Variants in KCNMB4 observed in about 807,000 individuals in gnomAD.
KCNMB4 encodes the protein calcium-activated potassium channel subunit beta-4.
In KCNMB4, 3 loss-of-function variants were observed where a neutral mutation model predicts 20.7. The observed-to-expected ratio is 0.14, with a 90% CI of 0.07 to 0.37. KCNMB4 has a LOEUF of 0.37. KCNMB4 is among the 10% of genes least tolerant of loss of function. The pLI is 1.00. For missense variants in KCNMB4, 168 were observed against 265.9 expected (o/e 0.63, Z 2.56); for synonymous variants, 110 against 113.4 (o/e 0.97, Z 0.19).
chr12:70,415,959 A>G (rs1172075028), intron 2 of KCNMB4, among the ~76,000 whole-genome samples: 1 of 152,218 alleles, frequency 6.6e-6, no homozygotes, highest in Non-Finnish European at 1.5e-5. Flanking sequence ...TTCTGCAAAT[A>G]TCACATGGCT....
chr12:70,370,303 T>C (rs940906968), intron 1 of KCNMB4, among the ~76,000 whole-genome samples: 2 of 92,744 alleles, frequency 2.2e-5, no homozygotes, highest in Admixed American at 2.5e-4. Flanking sequence ...TTTTGTTTTT[T>C]TTTGTTTTTT....
intron 2 of KCNMB4, among the ~76,000 whole-genome samples, chr12:70,405,795 A>G (rs564610317): frequency 2.9e-4 from 44 of 152,258 alleles, no homozygotes; most frequent in Middle Eastern, 3.4e-3. Context: ...GCCAGGCGCA[A>G]TGGTGATACC....
At chr12:70,369,448 C>A (rs781265046) in intron 1 of KCNMB4, among the ~76,000 whole-genome samples, 13 of 152,100 alleles carry the variant, frequency 8.5e-5, no homozygotes, top group Non-Finnish European at 1.5e-4. Flanking sequence ...CTTTTCTTTG[C>A]CTTACTTTAC....
In KCNMB4 at chr12:70,417,479, A is replaced by C. The variant is rs1195739058; in HGVS notation, c.465-13006A>C. Among the ~76,000 whole-genome samples the C allele has an allele frequency of 2.0e-5, 3 of 152,208 alleles. No individual in the cohort carries two copies. In the East Asian group the frequency reaches 5.8e-4, roughly 29 times the overall value. On this transcript the variant is annotated intron_variant, in intron 2 of 2. Transcript: ENST00000258111. ...TGCACACATTGGGGTTGGCTGGGCT[A>C]GATAGAGATCGATTAAAAGATGAAG...
intron 1 of KCNMB4, among the ~76,000 whole-genome samples, chr12:70,385,399 T>C (rs565816467): frequency 9.3e-4 from 141 of 152,348 alleles, no homozygotes; most frequent in Non-Finnish European, 1.4e-3. Context: ...TTATCTCCCA[T>C]GTCCCTGTGA....
intron 1 of KCNMB4, among the ~76,000 whole-genome samples, chr12:70,380,411 T>C (rs1883762257): frequency 6.6e-6 from 1 of 152,124 alleles, no homozygotes; most frequent in South Asian, 2.1e-4. Flanking sequence ...CTGTGAAAAT[T>C]ACCAAAATGT....
intron 2 of KCNMB4, among the ~76,000 whole-genome samples, chr12:70,429,615 C>G (rs946246175): frequency 6.9e-6 from 1 of 145,518 alleles, no homozygotes; most frequent in Non-Finnish European, 1.5e-5. Flanking sequence ...TGCAGTGAGC[C>G]AAGATGGCAC....
chr12:70,428,153 G>A (rs535980425), intron 2 of KCNMB4, among the ~76,000 whole-genome samples: 2 of 152,036 alleles, frequency 1.3e-5, no homozygotes, highest in South Asian at 4.2e-4. Context: ...AAATAACTAG[G>A]TCTACAGGCA....
chr12:70,367,572 T>A (rs1883518018), intron 1 of KCNMB4, among the ~76,000 whole-genome samples: 1 of 152,078 alleles, frequency 6.6e-6, no homozygotes, highest in African/African-American at 2.4e-5. Flanking sequence ...TCGCTCTACA[T>A]AGGCATTTTC....
chr12:70,377,537 T>C (rs1446295555), intron 1 of KCNMB4, among the ~76,000 whole-genome samples: 2 of 152,220 alleles, frequency 1.3e-5, no homozygotes, highest in African/African-American at 4.8e-5. Flanking sequence ...GGTTGCTGAC[T>C]AATCAGGGTG....
intron 1 of KCNMB4, among the ~76,000 whole-genome samples, chr12:70,385,349 A>C (rs1289157116): frequency 1.3e-5 from 2 of 152,228 alleles, no homozygotes; most frequent in Admixed American, 6.5e-5. Context: ...ATTTGAGAGC[A>C]TCTACCTCCT....
chr12:70,421,121 A>C (rs1000443563), intron 2 of KCNMB4, among the ~76,000 whole-genome samples: 1 of 152,026 alleles, frequency 6.6e-6, no homozygotes, highest in African/African-American at 2.4e-5. Flanking sequence ...GGGGTTGTCA[A>C]ATTCATTTCT....
chr12:70,382,056 TG>T (rs1208983583), intron 1 of KCNMB4, among the ~76,000 whole-genome samples: 1 of 152,226 alleles, frequency 6.6e-6, no homozygotes, highest in Non-Finnish European at 1.5e-5. Flanking sequence ...AAAACTTGTT[TG>T]GAAAATACTA....
At chr12:70,377,922 A>G (rs1273947793) in intron 1 of KCNMB4, among the ~76,000 whole-genome samples, 5 of 150,948 alleles carry the variant, frequency 3.3e-5, no homozygotes, top group Non-Finnish European at 1.5e-5. Flanking sequence ...TATACTTCTA[A>G]TTCTAGTAGA....
At chr12:70,376,213 C>T (rs1883684071) in intron 1 of KCNMB4, among the ~76,000 whole-genome samples, 1 of 149,664 alleles carries the variant, frequency 6.7e-6, no homozygotes, top group South Asian at 2.1e-4. Flanking sequence ...AAAAAGGACA[C>T]CTATGAAAAA....
chr12:70,433,155 G>A lies in KCNMB4; in HGVS notation c.*2502G>A, dbSNP rs968440632. On this transcript the variant is annotated 3_prime_UTR_variant, in exon 3 of 3. Transcript: ENST00000258111. The stretch of plus-strand genomic sequence containing the variant: ...TTAAAGGTAAAACCCAAAAGAACAA[G>A]CAGAGGACATTTTAAGGTCATAAAA... The A allele has an allele frequency of 6.6e-6, 1 of 151,982 alleles. No individual in the cohort carries two copies. Among genetic ancestry groups the A allele is most frequent in the African/African-American group, 2.4e-5 (1 of 41,380 alleles). The allele number at this position is 151,982 out of a possible 1,614,324, so 9.4% of individuals were successfully genotyped here. A position where few individuals can be genotyped will look rare whatever the true frequency, so the allele number is the denominator to read the frequency against.
At chr12:70,407,716 C>G (rs373316461) in intron 2 of KCNMB4, among the ~76,000 whole-genome samples, 1 of 151,846 alleles carries the variant, frequency 6.6e-6, no homozygotes, top group South Asian at 2.1e-4. Context: ...ATCCGCCCGC[C>G]TCAGCCTCCC....
chr12:70,395,609 T>C (rs1212737025), intron 1 of KCNMB4, among the ~76,000 whole-genome samples: 1 of 152,220 alleles, frequency 6.6e-6, no homozygotes, highest in Non-Finnish European at 1.5e-5. Context: ...GCATTCCATG[T>C]TGTGTGATGA....
At chr12:70,388,006 CCTT>C (rs753715609) in intron 1 of KCNMB4, among the ~76,000 whole-genome samples, 2 of 152,246 alleles carry the variant, frequency 1.3e-5, no homozygotes, top group East Asian at 3.9e-4. Context: ...TGGTAACCAT[CCTT>C]CTACTCTCTA....
Sources: gnomAD v4.1 joint callset for allele counts (sites outside exome capture counted in the v4.1 genomes callset) on GRCh38, gnomAD v4.1.1 for gene constraint, MANE v1.5 for transcripts, NCBI Gene and HGNC (gene_info 2026-07-23, HGNC 2026-07-21) for gene names.